Variants in SMYD3 observed in about 807,000 individuals in gnomAD.
SMYD3 encodes the protein histone-lysine N-methyltransferase SMYD3.
SMYD3 carries 36 observed loss-of-function variants against 57.7 expected under a neutral mutation model. That is an observed-to-expected ratio of 0.62 (90% CI 0.48 to 0.82). The LOEUF (loss-of-function observed/expected upper bound fraction) is 0.82. Among genes scored for constraint, SMYD3 ranks in the 40% least tolerant of loss-of-function variants. SMYD3 has a pLI of 0.00. For synonymous variants in SMYD3, 211 were observed against 195.0 expected, an observed-to-expected ratio of 1.08 and a Z score of -0.68; for missense variants, 515 against 538.8, an observed-to-expected ratio of 0.96 and a Z score of 0.44.
intron 10 of SMYD3, among the ~76,000 whole-genome samples, chr1:245,828,174 C>A (rs2049612623): frequency 1.3e-5 from 2 of 152,188 alleles, no homozygotes; most frequent in Admixed American, 6.5e-5. Context: ...TCCCCTCCCA[C>A]CTCAATATTG....
chr1:246,305,022 T>C (rs1460244447), intron 5 of SMYD3, among the ~76,000 whole-genome samples: 1 of 152,182 alleles, frequency 6.6e-6, no homozygotes, highest in Non-Finnish European at 1.5e-5. Context: ...GCACAGAAGA[T>C]AGAAGCTAAA....
In SMYD3 at chr1:246,276,279, G is replaced by A. The variant is rs1388286678; in HGVS notation, c.531+50922C>T. On this transcript the variant is annotated intron_variant, in intron 5 of 11. Transcript: ENST00000490107. The stretch of plus-strand genomic sequence containing the variant: ...GAATACTAACTCTGTTTTTTCACTA[G>A]CCGTATTAACACTGGCAAGTTATTT... 5.8e-5 allele frequency among the ~76,000 whole-genome samples: 7 copies of A among 119,776 alleles called. 1 individual carries two copies. The highest frequency in any genetic ancestry group is 1.7e-5 in the Non-Finnish European group (1 of 57,496). The allele number at this position is 119,776 out of a possible 152,430, so 78.6% of individuals were successfully genotyped here. A position where few individuals can be genotyped will look rare whatever the true frequency, so the allele number is the denominator to read the frequency against.
chr1:245,771,291 C>T (rs779654037), intron 10 of SMYD3, among the ~76,000 whole-genome samples: 14 of 152,136 alleles, frequency 9.2e-5, no homozygotes, highest in Non-Finnish European at 7.4e-5. Flanking sequence ...ATAAGGTAGG[C>T]GTGGCAAAAT....
At chr1:246,039,127 T>C (rs2059826312) in intron 5 of SMYD3, among the ~76,000 whole-genome samples, 1 of 152,162 alleles carries the variant, frequency 6.6e-6, no homozygotes, top group African/African-American at 2.4e-5. Context: ...CCGTGGAAAT[T>C]TGGAGGTTTC....
At chr1:246,307,291 T>A (rs1420240398) in intron 5 of SMYD3, among the ~76,000 whole-genome samples, 2 of 152,148 alleles carry the variant, frequency 1.3e-5, no homozygotes, top group Admixed American at 1.3e-4. Flanking sequence ...TCTCTTCATG[T>A]CTTTCTAAAA....
At chr1:245,931,300 G>A (rs2056702439) in intron 5 of SMYD3, among the ~76,000 whole-genome samples, 1 of 152,184 alleles carries the variant, frequency 6.6e-6, no homozygotes, top group Non-Finnish European at 1.5e-5. Flanking sequence ...ATAGACAATG[G>A]TGACTCGGAT....
intron 1 of SMYD3, among the ~76,000 whole-genome samples, chr1:246,410,318 A>C (rs939381967): frequency 1.5e-4 from 23 of 152,250 alleles, no homozygotes; most frequent in African/African-American, 5.5e-4. Flanking sequence ...TGTCATAGAT[A>C]GCTCTTATTG....
Position 246,154,983 on chromosome 1 carries a change from G to A in SMYD3, c.531+172218C>T, listed in dbSNP as rs377139411. ...TTTTTAGTAGAGACAGGGTTTCACC[G>A]TGTTAGCCAGGATGGTCTCGAGCTC... is the stretch of plus-strand genomic sequence containing the variant. On this transcript the variant is annotated intron_variant, in intron 5 of 11. Coordinates refer to ENST00000490107, the MANE Select transcript of SMYD3 (RefSeq NM_001167740.2). Among the ~76,000 whole-genome samples the A allele has an allele frequency of 5.1e-4, 78 of 151,942 alleles. 1 individual carries two copies. The highest frequency in any genetic ancestry group is 1.7e-3 in the African/African-American group (69 of 41,442).
In SMYD3 at chr1:246,480,155, C is replaced by T. The variant is rs538329146; in HGVS notation, c.164+26899G>A. ...AGTAACCCACTTAAAGTGTACAATG[C>T]AACCATTTTACATTCACAGAGTTGT... On this transcript the variant is annotated intron_variant, in intron 1 of 11. Transcript: ENST00000490107. Among the ~76,000 whole-genome samples the T allele has an allele frequency of 2.6e-5, 4 of 152,220 alleles. No individual in the cohort carries two copies. In the East Asian group the frequency reaches 7.7e-4, roughly 29 times the overall value.
In SMYD3 at chr1:246,151,245, C is replaced by CA. The variant is rs36099985; in HGVS notation, c.531+175955dup. On this transcript the variant is annotated intron_variant, in intron 5 of 11. Coordinates refer to ENST00000490107, the MANE Select transcript of SMYD3 (RefSeq NM_001167740.2). ...TGGGTAACAGAGTAAGACTCTGTCT[C>CA]AAAAAAAAAAAAAAAAATTCCTTGA... is the stretch of plus-strand genomic sequence containing the variant. Among the ~76,000 whole-genome samples the CA allele has an allele frequency of 8.1e-3, 1,078 of 132,644 alleles. 6 individuals are homozygous for CA. The highest frequency in any genetic ancestry group is 0.012 in the Middle Eastern group (3 of 252). The allele number at this position is 132,644 out of a possible 152,430, so 87.0% of individuals were successfully genotyped here. A position where few individuals can be genotyped will look rare whatever the true frequency, so the allele number is the denominator to read the frequency against.
At chr1:246,003,309 T>C (rs962511903) in intron 5 of SMYD3, among the ~76,000 whole-genome samples, 2 of 152,210 alleles carry the variant, frequency 1.3e-5, no homozygotes, top group Admixed American at 1.3e-4. Context: ...GCATCAGGTG[T>C]AGCTATGCTA....
At chr1:245,793,319 A>C (rs2047381595) in intron 10 of SMYD3, among the ~76,000 whole-genome samples, 1 of 151,994 alleles carries the variant, frequency 6.6e-6, no homozygotes, top group Non-Finnish European at 1.5e-5. Flanking sequence ...AAACAACAAA[A>C]AAAGAAATAT....
In SMYD3 at chr1:246,108,501, A is replaced by C. The variant is rs543017082; in HGVS notation, c.532-178564T>G. ...CTTTGCTTTACTGAGTTCCGGGTGG[A>C]CTATTTAAATATCATACAAATTGAT... On this transcript the variant is annotated intron_variant, in intron 5 of 11. Transcript: ENST00000490107. 3.3e-5 allele frequency: 5 copies of C among 152,304 alleles called. 1 individual carries two copies. In the South Asian group the frequency reaches 1.0e-3, roughly 32 times the overall value. 9.4% of individuals were successfully genotyped at this position (152,304 alleles called of 1,614,324 possible).
rs769930482 is a variant in SMYD3 at position 246,507,010 on chromosome 1, C to A, written c.164+44G>T. The A allele has an allele frequency of 5.1e-6, 7 of 1,371,628 alleles. No individual in the cohort carries two copies. The African/African-American group carries it at 7.7e-5, about 15-fold the overall frequency. The allele number at this position is 1,371,628 out of a possible 1,614,324, so 85.0% of individuals were successfully genotyped here. On this transcript the variant is annotated intron_variant, in intron 1 of 11. Coordinates refer to ENST00000490107, the MANE Select transcript of SMYD3 (RefSeq NM_001167740.2). ...CGACGCCCCCCCCTCCCCAGCACCC[C>A]ACACAGCTCGCGACTCAGGTAGGCG... is the stretch of plus-strand genomic sequence containing the variant.
intron 6 of SMYD3, among the ~76,000 whole-genome samples, chr1:245,928,667 C>A (rs1408882480): frequency 6.6e-6 from 1 of 151,812 alleles, no homozygotes; most frequent in Admixed American, 6.6e-5. Context: ...GAGTGAGACT[C>A]CATCTCAAAA....
Position 245,888,988 on chromosome 1 carries a change from G to T in SMYD3, c.814-25102C>A, listed in dbSNP as rs574621117. 2.6e-5 allele frequency among the ~76,000 whole-genome samples: 4 copies of T among 152,286 alleles called. No homozygotes were observed. The South Asian group carries it at 8.3e-4, about 32-fold the overall frequency. ...CAATTCCCCAGCTTCATTCTTCCAA[G>T]GATGCAATGTCACTAGAGGGCGCAG... On this transcript the variant is annotated intron_variant, in intron 8 of 11. Transcript: ENST00000490107.
intron 8 of SMYD3, among the ~76,000 whole-genome samples, chr1:245,899,757 G>A (rs909516819): frequency 3.3e-5 from 5 of 152,182 alleles, no homozygotes; most frequent in African/African-American, 1.2e-4. Flanking sequence ...CTCAGTAAAG[G>A]AGTCTGCTCT....
At chr1:246,235,955 T>C (rs2148462842) in intron 5 of SMYD3, among the ~76,000 whole-genome samples, 1 of 152,216 alleles carries the variant, frequency 6.6e-6, no homozygotes, top group South Asian at 2.1e-4. Context: ...AGAAACAAGA[T>C]ATAAAACATT....
At chr1:245,904,871 G>C (rs1057417410) in intron 8 of SMYD3, among the ~76,000 whole-genome samples, 2 of 151,544 alleles carry the variant, frequency 1.3e-5, no homozygotes, top group African/African-American at 2.4e-5. Context: ...GGAAGAGTAG[G>C]GAGGACTTTG....
Sources: allele counts gnomAD v4.1 joint callset (sites outside exome capture counted in the v4.1 genomes callset), GRCh38; gene constraint gnomAD v4.1.1; transcripts MANE v1.5; gene names NCBI Gene and HGNC (gene_info 2026-07-23, HGNC 2026-07-21).